The following DST variants were observed in gnomAD, a reference collection of about 807,000 sequenced individuals.
DST encodes the protein dystonin.
DST carries 253 observed loss-of-function variants against 875.2 expected under a neutral mutation model. The observed-to-expected ratio is 0.29, with a 90% confidence interval of 0.26 to 0.32. The LOEUF is 0.32. Among genes scored for constraint, DST ranks in the 10% least tolerant of loss-of-function variants. The pLI, the probability that DST is intolerant of heterozygous loss-of-function variation, is 1.00. For synonymous variants in DST, 3,124 were observed against 3,197.1 expected, an observed-to-expected ratio of 0.98 and a Z score of 0.77; for missense variants, 8,287 against 9,111.6, an observed-to-expected ratio of 0.91 and a Z score of 3.68.
intron 4 of DST, among the ~76,000 whole-genome samples, chr6:56,815,784 A>G (rs1417425440): frequency 6.9e-6 from 1 of 145,712 alleles, no homozygotes; most frequent in Non-Finnish European, 1.5e-5. Context: ...ATTTTAGCCA[A>G]TAATTACCCA....
intron 22 of DST, chr6:56,638,975 T>C (rs755229842): frequency 1.1e-5 from 5 of 470,142 alleles, no homozygotes; most frequent in Non-Finnish European, 1.9e-5. Flanking sequence ...CAATCAGAAA[T>C]AAATAATATG....
intron 9 of DST, among the ~76,000 whole-genome samples, chr6:56,686,042 T>C (rs992965370): frequency 6.6e-6 from 1 of 152,234 alleles, no homozygotes; most frequent in Non-Finnish European, 1.5e-5. Flanking sequence ...GGAATCAACC[T>C]AGGTGTCTGT....
At chr6:56,500,728 C>T (rs2096090766) in intron 80 of DST, among the ~76,000 whole-genome samples, 1 of 151,988 alleles carries the variant, frequency 6.6e-6, no homozygotes, top group East Asian at 1.9e-4. Flanking sequence ...TTTAGGCTAT[C>T]CCTAACAACT....
intron 4 of DST, among the ~76,000 whole-genome samples, chr6:56,848,317 T>A (rs1455195851): frequency 2.0e-5 from 3 of 152,202 alleles, no homozygotes; most frequent in African/African-American, 7.2e-5. Context: ...TCAATTCTAT[T>A]TTTAGGACCT....
chr6:56,640,665 A>T (rs1394094024), intron 17 of DST, 60 bp from the exon 18 acceptor site: 8 of 1,284,056 alleles, frequency 6.2e-6, no homozygotes, highest in African/African-American at 1.5e-5. Flanking sequence ...CAAAGAGTGA[A>T]CTCTAATGTT....
chr6:56,705,322 A>G (rs1393274452), intron 5 of DST, among the ~76,000 whole-genome samples: 1 of 152,222 alleles, frequency 6.6e-6, no homozygotes, highest in Non-Finnish European at 1.5e-5. Flanking sequence ...TACTTCACCC[A>G]TGGCACAAGC....
At chr6:56,476,042 G>A (rs1404548581) in intron 92 of DST, 107 bp downstream of exon 92, 1 of 1,003,712 alleles carries the variant, frequency 1.0e-6, no homozygotes, top group African/African-American at 1.6e-5. Flanking sequence ...GGAGTCTGAA[G>A]AAGTGAAAAT....
intron 4 of DST, among the ~76,000 whole-genome samples, chr6:56,737,122 A>G (rs2099528175): frequency 6.6e-6 from 1 of 152,230 alleles, no homozygotes; most frequent in Non-Finnish European, 1.5e-5. Flanking sequence ...TGAGCCCAGG[A>G]GCTCAAGGCT....
intron 4 of DST, among the ~76,000 whole-genome samples, chr6:56,797,950 C>T (rs1400050706): frequency 1.3e-5 from 2 of 151,920 alleles, no homozygotes; most frequent in African/African-American, 2.4e-5. Context: ...AGAGCAAGGT[C>T]GTAACTCTCT....
intron 3 of DST, among the ~76,000 whole-genome samples, chr6:56,856,213 C>T (rs1035292519): frequency 2.0e-5 from 3 of 152,166 alleles, no homozygotes; most frequent in African/African-American, 7.2e-5. Flanking sequence ...AACTGAAACC[C>T]CGGTGGGGGA....
At chr6:56,797,083 A>G (rs1005019019) in intron 4 of DST, among the ~76,000 whole-genome samples, 4 of 152,134 alleles carry the variant, frequency 2.6e-5, no homozygotes, top group African/African-American at 9.7e-5. Flanking sequence ...TCTCTGTGTT[A>G]TATTTTGGTA....
At chr6:56,912,576 G>A (rs965821926) in intron 2 of DST, among the ~76,000 whole-genome samples, 2 of 152,014 alleles carry the variant, frequency 1.3e-5, no homozygotes, top group African/African-American at 2.4e-5. Context: ...ATAGACTAAC[G>A]GCTACAGCAA....
chr6:56,478,939 A>C (rs959798686), intron 90 of DST, among the ~76,000 whole-genome samples: 1 of 152,264 alleles, frequency 6.6e-6, no homozygotes, highest in African/African-American at 2.4e-5. Flanking sequence ...TAAATAAAAA[A>C]GCTTCTGCAC....
chr6:56,581,082 A>G (rs1447011986), intron 49 of DST, among the ~76,000 whole-genome samples: 1 of 145,736 alleles, frequency 6.9e-6, no homozygotes, highest in Non-Finnish European at 1.5e-5. Flanking sequence ...AAAAAGTGAG[A>G]GCAAGCTAAG....
At chr6:56,725,798 G>T (rs1474711344) in intron 5 of DST, among the ~76,000 whole-genome samples, 1 of 152,104 alleles carries the variant, frequency 6.6e-6, no homozygotes, top group Non-Finnish European at 1.5e-5. Context: ...AGGCCTCTAA[G>T]AATGACTTAT....
At chr6:56,670,589 G>T in intron 10 of DST, 52 bp downstream of exon 10, 3 of 1,153,030 alleles carry the variant, frequency 2.6e-6, no homozygotes, top group Non-Finnish European at 3.5e-6. Context: ...ATTCAGAGAT[G>T]AAAGAAATGT....
chr6:56,933,109 C>A (rs1395568461), intron 2 of DST, among the ~76,000 whole-genome samples: 1 of 152,084 alleles, frequency 6.6e-6, no homozygotes, highest in Non-Finnish European at 1.5e-5. Context: ...CTTCTCTTTG[C>A]TGTAAATTTC....
chr6:56,610,279 A>G, intron 39 of DST, 148 bp downstream of exon 39: 1 of 604,202 alleles, frequency 1.7e-6, no homozygotes. Context: ...ACAACACTGG[A>G]ATCTCCAAAC....
At chr6:56,762,791 T>A (rs940990147) in intron 4 of DST, among the ~76,000 whole-genome samples, 1 of 152,142 alleles carries the variant, frequency 6.6e-6, no homozygotes, top group Non-Finnish European at 1.5e-5. Flanking sequence ...GAACTTATTT[T>A]AACAATCACT....
Sources: gnomAD v4.1 joint callset for allele counts (sites outside exome capture counted in the v4.1 genomes callset) on GRCh38, gnomAD v4.1.1 for gene constraint, MANE v1.5 for transcripts, NCBI Gene and HGNC (gene_info 2026-07-23, HGNC 2026-07-21) for gene names.